The following ITGB1 variants were observed in gnomAD, a reference collection of about 807,000 sequenced individuals.
ITGB1 encodes the protein integrin subunit beta 1, also known as integrin beta-1.
Under a neutral mutation model 86.5 loss-of-function variants are expected in ITGB1, and 24 were observed. The ratio of observed to expected loss-of-function variants is 0.28; its 90% CI spans 0.20 to 0.39. The LOEUF (loss-of-function observed/expected upper bound fraction) is 0.39. Ranked by LOEUF, ITGB1 falls within the 10% of genes least tolerant of loss-of-function variation. The pLI, the probability that ITGB1 is intolerant of heterozygous loss-of-function variation, is 1.00. For missense variants in ITGB1, 556 were observed against 946.9 expected (o/e 0.59, Z 5.42); for synonymous variants, 323 against 316.8 (o/e 1.02, Z -0.21).
At chr10:32,942,069 T>C (rs2095019553) in intron 1 of ITGB1, among the ~76,000 whole-genome samples, 1 of 152,040 alleles carries the variant, frequency 6.6e-6, no homozygotes, top group Non-Finnish European at 1.5e-5. Context: ...ATGAAAAGAA[T>C]ACTTAGGAAG....
intron 11 of ITGB1, among the ~76,000 whole-genome samples, chr10:32,918,251 A>G (rs1483472359): frequency 6.6e-6 from 1 of 152,140 alleles, no homozygotes; most frequent in Non-Finnish European, 1.5e-5. Flanking sequence ...GTAAATGACG[A>G]GTTAATGGGT....
intron 1 of ITGB1, chr10:32,953,714 C>T (rs1050126657): frequency 2.0e-5 from 3 of 152,194 alleles, no homozygotes; most frequent in African/African-American, 7.2e-5. Context: ...AAAGGTCACA[C>T]AGAAATTCAG....
intron 1 of ITGB1, among the ~76,000 whole-genome samples, chr10:32,946,518 C>A (rs1430005747): frequency 6.6e-6 from 1 of 152,020 alleles, no homozygotes; most frequent in African/African-American, 2.4e-5. Flanking sequence ...CTCAGTGGGG[C>A]AACAAGGATG....
At chr10:32,918,242 T>C (rs1489229101) in intron 11 of ITGB1, among the ~76,000 whole-genome samples, 3 of 152,074 alleles carry the variant, frequency 2.0e-5, no homozygotes. Context: ...ATACCTAATG[T>C]AAATGACGAG....
intron 1 of ITGB1, chr10:32,944,472 A>G (rs528973892): frequency 5.5e-6 from 2 of 366,288 alleles, no homozygotes; most frequent in African/African-American, 2.1e-5. Context: ...GCGCGTCACC[A>G]AACACTGTGA....
chr10:32,957,571 G>A (rs2095055083), intron 1 of ITGB1, among the ~76,000 whole-genome samples: 1 of 151,386 alleles, frequency 6.6e-6, no homozygotes, highest in African/African-American at 2.4e-5. Context: ...CCCCGCCCGC[G>A]GCGCTGGCCC....
Position 32,920,270 on chromosome 10 carries a change from C to T in ITGB1, c.1244G>A (p.Cys415Tyr). ...VNGTGENGRK[C>Y]SNISIGDEVQ... ...CTCATCTCCAATGGAAATATTGGAA[C>T]ATTTTCTTCCATTTTCCCCTGTTCC... The change falls in exon 10 of 16, where the codon TGT becomes TAT. Residue 415 changes from cysteine (C) to tyrosine (Y), a missense_variant. Coordinates refer to ENST00000302278, the MANE Select transcript of ITGB1 (RefSeq NM_002211.4). The T allele has an allele frequency of 6.2e-7, 1 of 1,613,544 alleles. No homozygotes were observed. The highest frequency in any genetic ancestry group is 8.5e-7 in the Non-Finnish European group (1 of 1,179,662).
At chr10:32,931,823 CA>C (rs1371561973) in intron 3 of ITGB1, among the ~76,000 whole-genome samples, 1 of 152,090 alleles carries the variant, frequency 6.6e-6, no homozygotes, top group Non-Finnish European at 1.5e-5. Flanking sequence ...TATACAACCT[CA>C]AAATGACTTC....
intron 1 of ITGB1, 24 bp downstream of exon 1, chr10:32,958,121 C>A (rs2095056815): frequency 6.6e-6 from 1 of 150,782 alleles, no homozygotes; most frequent in Admixed American, 6.6e-5. Flanking sequence ...CGCGCTCCCA[C>A]ACCCGAGGCC....
At chr10:32,941,392 A>G (rs909089302) in intron 1 of ITGB1, among the ~76,000 whole-genome samples, 1 of 152,220 alleles carries the variant, frequency 6.6e-6, no homozygotes, top group Non-Finnish European at 1.5e-5. Flanking sequence ...TATTGTAAGT[A>G]TAAGTTATAT....
chr10:32,924,893 A>G (rs914405359), intron 6 of ITGB1, among the ~76,000 whole-genome samples: 1 of 152,240 alleles, frequency 6.6e-6, no homozygotes, highest in African/African-American at 2.4e-5. Flanking sequence ...CAAGAGCCCT[A>G]TGAGGTAGAT....
chr10:32,922,042 A>C (rs745755979), intron 9 of ITGB1, among the ~76,000 whole-genome samples: 2 of 152,202 alleles, frequency 1.3e-5, no homozygotes, highest in Non-Finnish European at 2.9e-5. Context: ...TACTCCCCAC[A>C]TGCCTTTATC....
At chr10:32,938,458 A>G (rs2095009504) in intron 1 of ITGB1, among the ~76,000 whole-genome samples, 1 of 152,232 alleles carries the variant, frequency 6.6e-6, no homozygotes, top group South Asian at 2.1e-4. Context: ...AATTTAGACA[A>G]TCACCACTAA....
intron 11 of ITGB1, among the ~76,000 whole-genome samples, chr10:32,918,896 C>T (rs1456974782): frequency 6.6e-6 from 1 of 152,042 alleles, no homozygotes; most frequent in Non-Finnish European, 1.5e-5. Flanking sequence ...ATAAATATAT[C>T]CTACATGTGC....
intron 3 of ITGB1, 42 bp downstream of exon 3, chr10:32,932,473 G>A: frequency 9.2e-7 from 1 of 1,087,018 alleles, no homozygotes. Flanking sequence ...CACACTAAAT[G>A]ACCAGAGAAC....
intron 5 of ITGB1, 46 bp downstream of exon 5, chr10:32,928,048 G>C: frequency 9.1e-7 from 1 of 1,097,896 alleles, no homozygotes. Flanking sequence ...TTTGAGAATT[G>C]CCAAGACTTT....
Position 32,940,810 on chromosome 10 carries a change from C to G in ITGB1, c.1-5252G>C, listed in dbSNP as rs17296268. 7.6e-3 allele frequency among the ~76,000 whole-genome samples: 1,162 copies of G among 152,296 alleles called. 7 individuals carry two copies. Among genetic ancestry groups the G allele is most frequent in the Middle Eastern group, 0.02 (6 of 294 alleles). On this transcript the variant is annotated intron_variant, in intron 1 of 15. Transcript: ENST00000302278. Reference sequence around the variant, plus strand: ...CATCGGTTTACTACCAAAGAATTTACACAAAGCAACATGTAAGACTATTCA... The same window carrying G: ...CATCGGTTTACTACCAAAGAATTTAGACAAAGCAACATGTAAGACTATTCA...
chr10:32,918,689 T>G (rs1334613361), intron 11 of ITGB1, among the ~76,000 whole-genome samples: 1 of 152,184 alleles, frequency 6.6e-6, no homozygotes, highest in Non-Finnish European at 1.5e-5. Flanking sequence ...AGAATAAACT[T>G]AATTTTAAAG....
rs1593876839 is a variant in ITGB1 at position 32,935,360 on chromosome 10, A to C, written c.67+132T>G. 1.5e-5 allele frequency: 9 copies of C among 611,258 alleles called. No individual in the cohort carries two copies. In the East Asian group the frequency reaches 2.6e-4, roughly 17 times the overall value. 37.9% of individuals were successfully genotyped at this position (611,258 alleles called of 1,614,324 possible). A position where few individuals can be genotyped will look rare whatever the true frequency, so the allele number is the denominator to read the frequency against. On this transcript the variant is annotated intron_variant, in intron 2 of 15. Coordinates refer to ENST00000302278, the MANE Select transcript of ITGB1 (RefSeq NM_002211.4). ...AAGGAACTTGACCTTTCTCTGAGTA[A>C]GAGGAACAATTGCAGGGCTTCCAGA...
Sources: allele counts gnomAD v4.1 joint callset (sites outside exome capture counted in the v4.1 genomes callset), GRCh38; gene constraint gnomAD v4.1.1; transcripts MANE v1.5; gene names NCBI Gene and HGNC (gene_info 2026-07-23, HGNC 2026-07-21).